Variants in LMNTD1 observed in about 807,000 individuals in gnomAD.
LMNTD1 encodes the protein lamin tail domain-containing protein 1.
LMNTD1 carries 35 observed loss-of-function variants against 50.9 expected under a neutral mutation model. The ratio of observed to expected loss-of-function variants is 0.69; its 90% CI spans 0.53 to 0.91. The LOEUF (loss-of-function observed/expected upper bound fraction) is 0.91. Among genes scored for constraint, LMNTD1 ranks in the 40% least tolerant of loss-of-function variants. LMNTD1 has a pLI of 0.00. For missense variants in LMNTD1, 470 were observed against 475.5 expected, an observed-to-expected ratio of 0.99 and a Z score of 0.11; for synonymous variants, 153 against 161.9, an observed-to-expected ratio of 0.94 and a Z score of 0.42.
chr12:25,589,880 T>A (rs936950868), intron 1 of LMNTD1, among the ~76,000 whole-genome samples: 2 of 152,102 alleles, frequency 1.3e-5, no homozygotes, highest in Non-Finnish European at 2.9e-5. Flanking sequence ...AAAAGAATTA[T>A]CCACCAAGGC....
chr12:25,504,694 C>T lies in LMNTD1; in HGVS notation c.1190-894G>A, dbSNP rs1406171015. Among the ~76,000 whole-genome samples the T allele has an allele frequency of 2.6e-5, 4 of 151,990 alleles. No individual in the cohort carries two copies. The East Asian group carries it at 7.7e-4, about 29-fold the overall frequency. ...TATTTTATTACAGAGAAACAATATC[C>T]AAAGCTGGAAGTGAAAATGTGATCT... On this transcript the variant is annotated intron_variant, in intron 8 of 9. Coordinates refer to ENST00000458174, the MANE Select transcript of LMNTD1 (RefSeq NM_001145728.2).
chr12:25,632,401 A>C (rs1002546582), intron 1 of LMNTD1, among the ~76,000 whole-genome samples: 3 of 152,216 alleles, frequency 2.0e-5, no homozygotes, highest in Non-Finnish European at 2.9e-5. Flanking sequence ...AAACAGAAGC[A>C]CCAGGTAACC....
intron 1 of LMNTD1, among the ~76,000 whole-genome samples, chr12:25,574,916 A>T (rs144878789): frequency 1.5e-3 from 222 of 152,316 alleles, no homozygotes; most frequent in African/African-American, 5.1e-3. Flanking sequence ...AAATCCCATT[A>T]TACTTACAAA....
intron 1 of LMNTD1, among the ~76,000 whole-genome samples, chr12:25,562,671 G>C (rs1435276590): frequency 1.3e-5 from 2 of 152,130 alleles, no homozygotes; most frequent in African/African-American, 2.4e-5. Flanking sequence ...TCCTGAATTT[G>C]AATGTTGGCC....
intron 1 of LMNTD1, among the ~76,000 whole-genome samples, chr12:25,602,287 C>T (rs547705603): frequency 1.8e-4 from 27 of 151,466 alleles, no homozygotes; most frequent in African/African-American, 6.5e-4. Flanking sequence ...CTTTAGGGGG[C>T]ATGCATCCAA....
Position 25,526,793 on chromosome 12 carries a change from T to G in LMNTD1, c.654A>C (p.Val218=). 1 of 1,610,630 alleles carries G rather than the reference T, an allele frequency of 6.2e-7. No individual in the cohort carries two copies. The highest frequency in any genetic ancestry group is 8.5e-7 in the Non-Finnish European group (1 of 1,178,210). The stretch of plus-strand genomic sequence containing the variant: ...CTGTTACTGTGGAATTTGCCTGCAT[T>G]ACGATGTTTGGAAGGAATCGGTACA... The part of the protein sequence containing the change: ...ISLYRFLPNI[V]MQANSTVTVW... Residue 218 remains valine, a synonymous_variant, in exon 5 of 10, where the codon GTA becomes GTC. Transcript: ENST00000458174.
In LMNTD1 at chr12:25,623,507, T is replaced by C. The variant is rs571120457; in HGVS notation, c.58+24987A>G. Among the ~76,000 whole-genome samples, 4 of 126,712 alleles carry C rather than the reference T, an allele frequency of 3.2e-5. No homozygotes were observed. The South Asian group carries it at 7.4e-4, about 23-fold the overall frequency. 83.1% of individuals were successfully genotyped at this position (126,712 alleles called of 152,430 possible). The stretch of plus-strand genomic sequence containing the variant: ...AGGTGGAGATTGCAGTGAGCCAAGA[T>C]TGCGCCATTGCACTCCAGCCTGGGT... On this transcript the variant is annotated intron_variant, in intron 1 of 7. Coordinates refer to the LMNTD1 transcript ENST00000445693.
intron 9 of LMNTD1, among the ~76,000 whole-genome samples, chr12:25,499,262 C>CA (rs1939244936): frequency 2.0e-5 from 3 of 151,586 alleles, no homozygotes; most frequent in Admixed American, 1.3e-4. Flanking sequence ...TTTGTAGTGA[C>CA]AGAGTTTCAC....
In LMNTD1 at chr12:25,495,249, C is replaced by CGTGTGTGTGTGTGT. The variant is rs1207389869; in HGVS notation, c.*22+8475_*22+8488dup. Among the ~76,000 whole-genome samples, 341 of 144,766 alleles carry CGTGTGTGTGTGTGT rather than the reference C, an allele frequency of 2.4e-3. 4 individuals carry two copies. Among genetic ancestry groups the CGTGTGTGTGTGTGT allele is most frequent in the East Asian group, 5.3e-3 (26 of 4,864 alleles). 95.0% of individuals were successfully genotyped at this position (144,766 alleles called of 152,430 possible). A position where few individuals can be genotyped will look rare whatever the true frequency, so the allele number is the denominator to read the frequency against. ...TCCTGCCAAAATCATAAAGTGTGTACGTGTGTGTGTGTGTGTGTGTGTGTG... is the reference window on the plus strand; with the variant it reads ...TCCTGCCAAAATCATAAAGTGTGTACGTGTGTGTGTGTGTGTGTGTGTGTGTGTGTGTGTGTGTG... On this transcript the variant is annotated intron_variant, in intron 9 of 9. Transcript: ENST00000458174.
intron 1 of LMNTD1, among the ~76,000 whole-genome samples, chr12:25,628,565 G>A (rs1206128780): frequency 6.6e-6 from 1 of 152,166 alleles, no homozygotes; most frequent in East Asian, 1.9e-4. Flanking sequence ...CTCTGCAGAT[G>A]TGGTCAAGTT....
chr12:25,503,758 G>A lies in LMNTD1; in HGVS notation c.*2C>T, dbSNP rs1194121750. 1.3e-6 allele frequency: 2 copies of A among 1,579,490 alleles called. No homozygotes were observed. The highest frequency in any genetic ancestry group is 1.7e-6 in the Non-Finnish European group (2 of 1,158,058). ...CTTACCTTTAAAGGTTGAGTTGACT[G>A]CTTATTGCTTTTGTGACTCAGATGT... On this transcript the variant is annotated 3_prime_UTR_variant, in exon 9 of 10. Transcript: ENST00000458174.
chr12:25,634,131 G>A (rs1488848016), intron 1 of LMNTD1, among the ~76,000 whole-genome samples: 1 of 152,096 alleles, frequency 6.6e-6, no homozygotes, highest in African/African-American at 2.4e-5. Flanking sequence ...GCTTAAATTA[G>A]GAAGAATTAG....
chr12:25,603,888 G>T (rs1946035800), intron 1 of LMNTD1, among the ~76,000 whole-genome samples: 1 of 151,978 alleles, frequency 6.6e-6, no homozygotes, highest in Non-Finnish European at 1.5e-5. Context: ...TTTAAAAGGG[G>T]AAACTGCAAG....
At chr12:25,629,777 T>G (rs1470564188) in intron 1 of LMNTD1, among the ~76,000 whole-genome samples, 1 of 152,066 alleles carries the variant, frequency 6.6e-6, no homozygotes, top group Non-Finnish European at 1.5e-5. Context: ...GTAAACAAAA[T>G]GGCAGACCAG....
chr12:25,563,905 G>A (rs765792075), intron 1 of LMNTD1, among the ~76,000 whole-genome samples: 5 of 152,198 alleles, frequency 3.3e-5, no homozygotes, highest in Admixed American at 3.3e-4. Flanking sequence ...TGCTGTGCTA[G>A]CAGTGAGTGA....
At chr12:25,495,187 G>T (rs1380733090) in intron 9 of LMNTD1, among the ~76,000 whole-genome samples, 1 of 151,200 alleles carries the variant, frequency 6.6e-6, no homozygotes, top group Non-Finnish European at 1.5e-5. Flanking sequence ...ATTATCATAG[G>T]ACCAGTGCTT....
chr12:25,504,532 C>T (rs1045297777), intron 8 of LMNTD1, among the ~76,000 whole-genome samples: 1 of 146,818 alleles, frequency 6.8e-6, no homozygotes, highest in Non-Finnish European at 1.5e-5. Context: ...GAGAAGAAAA[C>T]GAAATAATAT....
intron 1 of LMNTD1, among the ~76,000 whole-genome samples, chr12:25,558,902 A>G (rs1484074614): frequency 6.6e-6 from 1 of 152,110 alleles, no homozygotes; most frequent in Non-Finnish European, 1.5e-5. Context: ...GGGTGGGGAC[A>G]CAGAGCCAAA....
At chr12:25,646,933 T>C (rs1330556513) in intron 1 of LMNTD1, among the ~76,000 whole-genome samples, 1 of 152,206 alleles carries the variant, frequency 6.6e-6, no homozygotes, top group Non-Finnish European at 1.5e-5. Flanking sequence ...ATCTATTAAA[T>C]CTGAGAGGTT....
Sources: gnomAD v4.1 joint callset for allele counts (sites outside exome capture counted in the v4.1 genomes callset) on GRCh38, gnomAD v4.1.1 for gene constraint, MANE v1.5 for transcripts, NCBI Gene and HGNC (gene_info 2026-07-23, HGNC 2026-07-21) for gene names.